The following TTC27 variants were observed in gnomAD, a reference collection of about 807,000 sequenced individuals.
TTC27 encodes the protein tetratricopeptide repeat protein 27.
A neutral mutation model predicts 115.9 loss-of-function variants in TTC27; 79 were observed. The ratio of observed to expected loss-of-function variants is 0.68; its 90% CI spans 0.57 to 0.82. TTC27 has a LOEUF of 0.82. TTC27 is among the 40% of genes least tolerant of loss of function. The probability of loss-of-function intolerance (pLI) is 0.00; values close to 1 mark genes in which losing one functional copy is unlikely to be tolerated. For missense variants in TTC27, 1,054 were observed against 993.1 expected (o/e 1.06, Z -0.82); for synonymous variants, 401 against 356.0 (o/e 1.13, Z -1.42).
At chr2:32,742,655 A>G (rs1278773596) in intron 12 of TTC27, among the ~76,000 whole-genome samples, 1 of 152,170 alleles carries the variant, frequency 6.6e-6, no homozygotes, top group Non-Finnish European at 1.5e-5. Context: ...CCATTCTGCT[A>G]AAAGGGTTGT....
At chr2:32,679,912 A>G (rs1666358365) in intron 9 of TTC27, among the ~76,000 whole-genome samples, 1 of 152,154 alleles carries the variant, frequency 6.6e-6, no homozygotes, top group Admixed American at 6.5e-5. Flanking sequence ...AACCACCTCA[A>G]CCCGGAAGGC....
chr2:32,701,452 T>C (rs1016478899), intron 9 of TTC27, among the ~76,000 whole-genome samples: 2 of 152,250 alleles, frequency 1.3e-5, no homozygotes, highest in Non-Finnish European at 2.9e-5. Context: ...CTTAGGATAC[T>C]AAGTGTTAGT....
chr2:32,776,270 T>TA (rs1419631055), intron 13 of TTC27, among the ~76,000 whole-genome samples: 1 of 152,176 alleles, frequency 6.6e-6, no homozygotes, highest in African/African-American at 2.4e-5. Context: ...AATTACTGGC[T>TA]AAAAATCTTT....
intron 9 of TTC27, among the ~76,000 whole-genome samples, chr2:32,692,553 A>G (rs1047722850): frequency 6.6e-6 from 1 of 152,222 alleles, no homozygotes; most frequent in Non-Finnish European, 1.5e-5. Context: ...TTAAAATGGT[A>G]TATTTTATGT....
chr2:32,814,206 AAG>A (rs1484840900), intron 18 of TTC27, among the ~76,000 whole-genome samples: 1 of 152,242 alleles, frequency 6.6e-6, no homozygotes, highest in Non-Finnish European at 1.5e-5. Context: ...AAACCTGTCA[AAG>A]AGAGATATGC....
At chr2:32,676,414 T>C (rs1011662960) in intron 8 of TTC27, among the ~76,000 whole-genome samples, 1 of 152,018 alleles carries the variant, frequency 6.6e-6, no homozygotes, top group Non-Finnish European at 1.5e-5. Context: ...CAATTTATGG[T>C]CATTATAAAA....
intron 5 of TTC27, among the ~76,000 whole-genome samples, chr2:32,652,011 A>C (rs757319145): frequency 1.3e-5 from 2 of 152,166 alleles, no homozygotes; most frequent in Non-Finnish European, 2.9e-5. Flanking sequence ...CTTGGTATCC[A>C]AGGGGGATTG....
At chr2:32,727,261 A>C (rs537656659) in intron 10 of TTC27, among the ~76,000 whole-genome samples, 292 of 152,316 alleles carry the variant, frequency 1.9e-3, no homozygotes, top group Non-Finnish European at 3.2e-3. Flanking sequence ...TGTAGTTTTA[A>C]ATTTTTTTGT....
intron 13 of TTC27, among the ~76,000 whole-genome samples, chr2:32,766,238 T>C (rs1437653620): frequency 6.6e-6 from 1 of 152,222 alleles, no homozygotes; most frequent in African/African-American, 2.4e-5. Flanking sequence ...GTATATGTTG[T>C]ATTATGATCA....
chr2:32,817,540 T>A lies in TTC27; in HGVS notation c.2392T>A (p.Leu798Met), dbSNP rs753915052. ...LSSVRLNLRG[L>M]LSKAKQLFTD... is the part of the protein sequence containing the mutation. ...TTCTGTTCGACTCAATTTACGGGGC[T>A]TGTTATCTAAAGCAAAGGTGAGAGT... Residue 798 changes from leucine to methionine, a missense_variant, in exon 19 of 20, where the codon TTG becomes ATG. Transcript: ENST00000317907. The A allele has an allele frequency of 2.5e-6, 4 of 1,613,978 alleles. No individual in the cohort carries two copies. The highest frequency in any genetic ancestry group is 3.4e-6 in the Non-Finnish European group (4 of 1,179,856).
chr2:32,785,055 T>C (rs1310546849), intron 15 of TTC27, among the ~76,000 whole-genome samples: 1 of 152,218 alleles, frequency 6.6e-6, no homozygotes, highest in African/African-American at 2.4e-5. Flanking sequence ...TTAACCTTTG[T>C]ATATCTAAAA....
chr2:32,767,453 G>GTTTTTTTT (rs397754905), intron 13 of TTC27, among the ~76,000 whole-genome samples: 4 of 114,228 alleles, frequency 3.5e-5, no homozygotes, highest in Admixed American at 1.1e-4. Context: ...GTTTTTTTTT[G>GTTTTTTTT]TTTTTTTTTT....
chr2:32,640,851 G>A (rs1416351662), intron 4 of TTC27, among the ~76,000 whole-genome samples: 2 of 151,968 alleles, frequency 1.3e-5, no homozygotes, highest in Non-Finnish European at 2.9e-5. Flanking sequence ...GCGCAGTGGC[G>A]TGCACCTGTA....
rs1479830139 is a variant in TTC27, at chr2:32,645,246, T to C, written c.537+4836T>C. Reference sequence around the variant, plus strand: ...ACTAGAATTGGTACTATGTAAGTGGTTGAGTAAAATGAGTCTTGGTTTTGA... The same window carrying C: ...ACTAGAATTGGTACTATGTAAGTGGCTGAGTAAAATGAGTCTTGGTTTTGA... On this transcript the variant is annotated intron_variant, in intron 4 of 19. Transcript: ENST00000317907. Among the ~76,000 whole-genome samples the C allele has an allele frequency of 2.0e-5, 3 of 152,310 alleles. No homozygotes were observed. In the East Asian group the frequency reaches 5.8e-4, roughly 29 times the overall value.
intron 12 of TTC27, among the ~76,000 whole-genome samples, chr2:32,742,875 T>TTG (rs1668690949): frequency 2.0e-5 from 3 of 152,216 alleles, no homozygotes; most frequent in East Asian, 1.9e-4. Flanking sequence ...TGTGAGTCCC[T>TTG]TGTGTGTGTG....
intron 13 of TTC27, among the ~76,000 whole-genome samples, chr2:32,769,268 TA>T (rs943589841): frequency 1.3e-5 from 2 of 152,166 alleles, no homozygotes; most frequent in Admixed American, 6.5e-5. Context: ...TCATGGCACC[TA>T]AAACAAGAGC....
At chr2:32,682,327 C>G (rs944582647) in intron 9 of TTC27, among the ~76,000 whole-genome samples, 1 of 152,124 alleles carries the variant, frequency 6.6e-6, no homozygotes, top group African/African-American at 2.4e-5. Context: ...GAAAATGCCC[C>G]TATCCCAACA....
At chr2:32,732,124 G>T (rs1244412531) in intron 10 of TTC27, among the ~76,000 whole-genome samples, 1 of 152,078 alleles carries the variant, frequency 6.6e-6, no homozygotes, top group Non-Finnish European at 1.5e-5. Flanking sequence ...CTCCTTTTAT[G>T]AAGTAACTCA....
intron 10 of TTC27, among the ~76,000 whole-genome samples, chr2:32,713,068 T>C (rs1351392546): frequency 6.6e-6 from 1 of 151,798 alleles, no homozygotes; most frequent in African/African-American, 2.4e-5. Context: ...CTTCCTTCCC[T>C]CTCTCTCTCT....
Sources: allele counts gnomAD v4.1 joint callset (sites outside exome capture counted in the v4.1 genomes callset), GRCh38; gene constraint gnomAD v4.1.1; transcripts MANE v1.5; gene names NCBI Gene and HGNC (gene_info 2026-07-23, HGNC 2026-07-21).